The following FHIT variants were observed in gnomAD, a reference collection of about 807,000 sequenced individuals.
FHIT encodes the protein fragile histidine triad diadenosine triphosphatase.
In FHIT, 19 loss-of-function variants were observed where a neutral mutation model predicts 17.9. The ratio of observed to expected loss-of-function variants is 1.06; its 90% CI spans 0.74 to 1.56. The LOEUF is 1.56. FHIT is among the 40% of genes most tolerant of loss of function. The pLI is 0.00. For synonymous variants in FHIT, 81 were observed against 69.7 expected, an observed-to-expected ratio of 1.16 and a Z score of -0.81; for missense variants, 248 against 189.2, an observed-to-expected ratio of 1.31 and a Z score of -1.82.
chr3:59,862,345 C>T (rs1361970805), intron 8 of FHIT, among the ~76,000 whole-genome samples: 2 of 152,162 alleles, frequency 1.3e-5, no homozygotes, highest in Non-Finnish European at 1.5e-5. Context: ...CCATGATTCC[C>T]ACCAGGTCCC....
At position 60,402,898 on chromosome 3, in the gene FHIT, CTT is replaced by C. The variant is rs140533261; in HGVS notation, c.103+133960_103+133961del. Among the ~76,000 whole-genome samples the C allele has an allele frequency of 4.8e-3, 727 of 152,328 alleles. 11 individuals are homozygous for C. The highest frequency in any genetic ancestry group is 0.017 in the African/African-American group (702 of 41,564). On this transcript the variant is annotated intron_variant, in intron 5 of 9. Coordinates refer to ENST00000492590, the MANE Select transcript of FHIT (RefSeq NM_002012.4). Reference sequence around the variant, plus strand: ...CTTAATAGCCCACTGTCTTGGCAGACTTTACCTACTCTCATTCCAGCACTTGG... The same window carrying C: ...CTTAATAGCCCACTGTCTTGGCAGACTACCTACTCTCATTCCAGCACTTGG...
chr3:60,143,119 A>G (rs1700108463), intron 5 of FHIT, among the ~76,000 whole-genome samples: 1 of 152,198 alleles, frequency 6.6e-6, no homozygotes, highest in South Asian at 2.1e-4. Context: ...GAGAGAGTAC[A>G]GTGATTTTGT....
At chr3:60,746,225 G>A (rs760888195) in intron 4 of FHIT, among the ~76,000 whole-genome samples, 1 of 152,078 alleles carries the variant, frequency 6.6e-6, no homozygotes, top group Non-Finnish European at 1.5e-5. Context: ...AAAAGACAAA[G>A]GTTTCTCTTC....
intron 8 of FHIT, among the ~76,000 whole-genome samples, chr3:59,791,897 C>T (rs911129409): frequency 2.0e-5 from 3 of 152,136 alleles, no homozygotes; most frequent in Non-Finnish European, 2.9e-5. Flanking sequence ...AAATGGCCTT[C>T]AGCCAGTCAA....
intron 8 of FHIT, 135 bp downstream of exon 8, chr3:59,922,211 T>C (rs1028581655): frequency 6.5e-6 from 5 of 774,476 alleles, no homozygotes; most frequent in Admixed American, 2.5e-5. Flanking sequence ...TTGGCCTCTA[T>C]TGCCACTTTC....
intron 8 of FHIT, among the ~76,000 whole-genome samples, chr3:59,821,887 T>G (rs576358642): frequency 6.6e-6 from 1 of 152,180 alleles, no homozygotes; most frequent in Non-Finnish European, 1.5e-5. Context: ...TGTGAGATTT[T>G]GGTGCACCCA....
chr3:60,958,994 C>G (rs1232570956), intron 3 of FHIT, among the ~76,000 whole-genome samples: 2 of 152,152 alleles, frequency 1.3e-5, no homozygotes, highest in Admixed American at 6.5e-5. Context: ...AAGGTGAATT[C>G]CATTCAGGGA....
chr3:59,784,594 T>G (rs1702752554), intron 8 of FHIT, among the ~76,000 whole-genome samples: 1 of 152,226 alleles, frequency 6.6e-6, no homozygotes, highest in African/African-American at 2.4e-5. Context: ...AAGGTGGCTT[T>G]ACGTAGAACG....
intron 7 of FHIT, among the ~76,000 whole-genome samples, chr3:59,969,332 G>A (rs977179721): frequency 6.6e-6 from 1 of 152,102 alleles, no homozygotes; most frequent in Non-Finnish European, 1.5e-5. Context: ...GTTGCAGTCT[G>A]TAAGTGAAAT....
At chr3:59,816,807 G>A (rs1700615490) in intron 8 of FHIT, among the ~76,000 whole-genome samples, 1 of 152,176 alleles carries the variant, frequency 6.6e-6, no homozygotes, top group South Asian at 2.1e-4. Flanking sequence ...GTCCCCTTCA[G>A]GATATGGCAA....
intron 4 of FHIT, among the ~76,000 whole-genome samples, chr3:60,539,454 A>C (rs796532798): frequency 3.3e-5 from 5 of 152,354 alleles, no homozygotes; most frequent in South Asian, 4.1e-4. Context: ...TATATACCCA[A>C]AGGATTATAA....
At chr3:60,849,525 C>T (rs1311975135) in intron 3 of FHIT, among the ~76,000 whole-genome samples, 1 of 150,204 alleles carries the variant, frequency 6.7e-6, no homozygotes, top group Non-Finnish European at 1.5e-5. Context: ...AAATAATTAG[C>T]TCCGATCCAA....
At chr3:59,775,536 C>T (rs573972431) in intron 8 of FHIT, among the ~76,000 whole-genome samples, 1 of 148,958 alleles carries the variant, frequency 6.7e-6, no homozygotes, top group African/African-American at 2.5e-5. Context: ...GAATGCAAAT[C>T]ATCTCCCACT....
rs116627412 is a variant in FHIT, at chr3:60,656,406, T to A, written c.-17-119427A>T. ...TACTGGGGGCAAGATTTGTTTTTCC[T>A]CTTCCCACAGCTAGAAGGCTAACCT... is the stretch of plus-strand genomic sequence containing the variant. On this transcript the variant is annotated intron_variant, in intron 4 of 9. Transcript: ENST00000492590. Among the ~76,000 whole-genome samples the A allele has an allele frequency of 2.6e-3, 400 of 152,318 alleles. 2 individuals are homozygous for A. The highest frequency in any genetic ancestry group is 9.2e-3 in the African/African-American group (383 of 41,586).
intron 4 of FHIT, among the ~76,000 whole-genome samples, chr3:60,622,519 A>AT (rs1162033914): frequency 6.6e-6 from 1 of 152,206 alleles, no homozygotes; most frequent in African/African-American, 2.4e-5. Context: ...CAGGGACTAT[A>AT]ACAAAACAAT....
At chr3:61,064,149 G>T (rs1309189109) in intron 2 of FHIT, among the ~76,000 whole-genome samples, 1 of 152,206 alleles carries the variant, frequency 6.6e-6, no homozygotes, top group African/African-American at 2.4e-5. Flanking sequence ...TGGGATGCAT[G>T]TGTGACTCAG....
chr3:60,573,276 C>T (rs1486020451), intron 4 of FHIT, among the ~76,000 whole-genome samples: 1 of 152,114 alleles, frequency 6.6e-6, no homozygotes, highest in African/African-American at 2.4e-5. Context: ...CTGAGGGTGT[C>T]CTAGGGACAT....
chr3:60,934,884 A>C (rs1238525716), intron 3 of FHIT, among the ~76,000 whole-genome samples: 1 of 152,196 alleles, frequency 6.6e-6, no homozygotes, highest in Non-Finnish European at 1.5e-5. Context: ...GAGGTAACAA[A>C]TGCCAGATGA....
intron 5 of FHIT, among the ~76,000 whole-genome samples, chr3:60,276,177 C>T (rs1276436376): frequency 2.0e-5 from 3 of 151,762 alleles, no homozygotes; most frequent in Non-Finnish European, 4.4e-5. Flanking sequence ...TAGTAGAGAC[C>T]GGGTTTCACT....
Sources: allele counts gnomAD v4.1 joint callset (sites outside exome capture counted in the v4.1 genomes callset), GRCh38; gene constraint gnomAD v4.1.1; transcripts MANE v1.5; gene names NCBI Gene and HGNC (gene_info 2026-07-23, HGNC 2026-07-21).